PCDH15: variants seen among roughly 807,000 people sequenced by gnomAD.
PCDH15 encodes protocadherin related 15.
PCDH15 carries 129 observed loss-of-function variants against 178.5 expected under a neutral mutation model. The ratio of observed to expected loss-of-function variants is 0.72; its 90% CI spans 0.63 to 0.84. The LOEUF (loss-of-function observed/expected upper bound fraction) is 0.84, where lower values mean the gene tolerates loss of function less well. Among genes scored for constraint, PCDH15 ranks in the 40% least tolerant of loss-of-function variants. The pLI, the probability that PCDH15 is intolerant of heterozygous loss-of-function variation, is 0.00. For synonymous variants in PCDH15, 800 were observed against 732.0 expected (o/e 1.09, Z -1.50); for missense variants, 2,230 against 2,099.9 (o/e 1.06, Z -1.21).
intron 3 of PCDH15, among the ~76,000 whole-genome samples, chr10:54,434,443 T>G (rs1210183026): frequency 6.6e-6 from 1 of 152,208 alleles, no homozygotes; most frequent in Non-Finnish European, 1.5e-5. Context: ...ATACAGTATT[T>G]TTATCATAAC....
intron 27 of PCDH15, among the ~76,000 whole-genome samples, chr10:53,861,451 A>G (rs2079101656): frequency 6.6e-6 from 1 of 152,080 alleles, no homozygotes; most frequent in South Asian, 2.1e-4. Context: ...ACATGTTACT[A>G]TTTCTATGTC....
At chr10:55,368,517 T>C (rs762500771) in intron 2 of PCDH15, among the ~76,000 whole-genome samples, 13 of 152,156 alleles carry the variant, frequency 8.5e-5, no homozygotes, top group Non-Finnish European at 1.6e-4. Context: ...GATTGCTCTA[T>C]CTGTAGAACA....
intron 18 of PCDH15, among the ~76,000 whole-genome samples, chr10:54,052,694 A>G (rs1478588974): frequency 6.6e-6 from 1 of 152,144 alleles, no homozygotes; most frequent in African/African-American, 2.4e-5. Flanking sequence ...TTGGAAGGGC[A>G]TAATTGTGTT....
In PCDH15 at chr10:54,731,563, T is replaced by TATAC; in HGVS notation, c.-28-67274_-28-67273insGTAT. 3.8e-3 allele frequency among the ~76,000 whole-genome samples: 191 copies of TATAC among 49,920 alleles called. 5 individuals are homozygous for TATAC. The highest frequency in any genetic ancestry group is 0.012 in the East Asian group (39 of 3,194). The allele number at this position is 49,920 out of a possible 152,430, so 32.7% of individuals were successfully genotyped here. ...TGAGATAGATATATATATATATATA[T>TATAC]ACACACACACACACACACACACACA... On this transcript the variant is annotated intron_variant, in intron 1 of 37. Coordinates refer to ENST00000644397, the MANE Select transcript of PCDH15 (RefSeq NM_001384140.1).
At chr10:55,340,743 G>A (rs758341250) in intron 2 of PCDH15, among the ~76,000 whole-genome samples, 2 of 151,928 alleles carry the variant, frequency 1.3e-5, no homozygotes, top group African/African-American at 2.4e-5. Flanking sequence ...ATAGCATGAA[G>A]TATGATAATG....
intron 2 of PCDH15, among the ~76,000 whole-genome samples, chr10:55,092,061 A>T (rs936909984): frequency 6.6e-6 from 1 of 151,892 alleles, no homozygotes; most frequent in Admixed American, 6.6e-5. Context: ...GGCTCATAAG[A>T]GTATAAAGAA....
At chr10:54,190,359 C>T (rs1265535767) in intron 11 of PCDH15, among the ~76,000 whole-genome samples, 1 of 152,140 alleles carries the variant, frequency 6.6e-6, no homozygotes, top group East Asian at 1.9e-4. Flanking sequence ...GAGTTTATCC[C>T]TATAATGATG....
rs34411241 is a variant in PCDH15, at chr10:55,104,196, A to AT, written c.-80+62379dup. Among the ~76,000 whole-genome samples, 382 of 149,038 alleles carry AT rather than the reference A, an allele frequency of 2.6e-3. 2 individuals carry two copies. Among genetic ancestry groups the AT allele is most frequent in the South Asian group, 0.014 (64 of 4,682 alleles). On this transcript the variant is annotated intron_variant, in intron 2 of 5. Transcript: ENST00000458638. ...TCTAGTAATAAATATCCTTTGTAGC[A>AT]TTTTTTTTTTCAGAATAGGGCACTT... is the stretch of plus-strand genomic sequence containing the variant.
intron 1 of PCDH15, among the ~76,000 whole-genome samples, chr10:54,788,912 A>C (rs1951139395): frequency 6.6e-6 from 1 of 151,886 alleles, no homozygotes; most frequent in Non-Finnish European, 1.5e-5. Flanking sequence ...CAAACTTATG[A>C]ATCTAATTCT....
intron 2 of PCDH15, among the ~76,000 whole-genome samples, chr10:55,070,313 T>C (rs1841697359): frequency 6.6e-6 from 1 of 152,060 alleles, no homozygotes; most frequent in African/African-American, 2.4e-5. Flanking sequence ...TTGGCTTTTG[T>C]TGCCATTGCT....
At chr10:54,686,568 T>C (rs7100055) in intron 1 of PCDH15, among the ~76,000 whole-genome samples, 78,280 of 151,900 alleles carry the variant, frequency 0.52, 20,963 homozygotes, top group Non-Finnish European at 0.6. Flanking sequence ...GTCAATAACC[T>C]ATTTTGAATT....
At chr10:54,449,466 T>C (rs2076334812) in intron 3 of PCDH15, among the ~76,000 whole-genome samples, 1 of 151,666 alleles carries the variant, frequency 6.6e-6, no homozygotes. Context: ...TCTCTATCCA[T>C]GAGTTCAATT....
intron 3 of PCDH15, among the ~76,000 whole-genome samples, chr10:54,468,649 T>C (rs2077689859): frequency 6.6e-6 from 1 of 152,168 alleles, no homozygotes; most frequent in African/African-American, 2.4e-5. Flanking sequence ...TAGGTAAAAG[T>C]ATTTTATGTT....
chr10:54,752,393 C>A (rs948196979), intron 1 of PCDH15, among the ~76,000 whole-genome samples: 1 of 150,846 alleles, frequency 6.6e-6, no homozygotes, highest in Non-Finnish European at 1.5e-5. Context: ...AGGAGAATGG[C>A]GTGAACCCGG....
chr10:53,983,366 A>G (rs1470647416), intron 21 of PCDH15, among the ~76,000 whole-genome samples: 1 of 151,670 alleles, frequency 6.6e-6, no homozygotes, highest in African/African-American at 2.4e-5. Flanking sequence ...GAGAAAGAAA[A>G]AAAAAAAAAC....
intron 1 of PCDH15, among the ~76,000 whole-genome samples, chr10:55,263,989 C>A (rs56411852): frequency 0.17 from 26,061 of 151,836 alleles, 3,061 homozygotes; most frequent in East Asian, 0.37. Context: ...CCGCCTCGGC[C>A]TCCCAAAGTG....
At chr10:54,992,130 C>A (rs1016197066) in intron 2 of PCDH15, among the ~76,000 whole-genome samples, 1 of 151,872 alleles carries the variant, frequency 6.6e-6, no homozygotes, top group Non-Finnish European at 1.5e-5. Context: ...ATAATATAAA[C>A]CTCTTGAAGG....
chr10:54,421,675 T>C (rs1169955552), intron 3 of PCDH15, among the ~76,000 whole-genome samples: 1 of 38,554 alleles, frequency 2.6e-5, no homozygotes, highest in East Asian at 2.4e-4. Flanking sequence ...TATATACATA[T>C]ATATATATAT....
intron 2 of PCDH15, among the ~76,000 whole-genome samples, chr10:55,349,435 C>T (rs1222948002): frequency 2.6e-5 from 4 of 152,070 alleles, no homozygotes; most frequent in Non-Finnish European, 4.4e-5. Flanking sequence ...TCTTAATGAC[C>T]ATTTTTCTCT....
Sources: gnomAD v4.1 joint callset for allele counts (sites outside exome capture counted in the v4.1 genomes callset) on GRCh38, gnomAD v4.1.1 for gene constraint, MANE v1.5 for transcripts, NCBI Gene and HGNC (gene_info 2026-07-23, HGNC 2026-07-21) for gene names.